The following NRG3 variants were observed in gnomAD, a reference collection of about 807,000 sequenced individuals.
NRG3 encodes the protein pro-neuregulin-3, membrane-bound isoform.
Under a neutral mutation model 66.9 loss-of-function variants are expected in NRG3, and 31 were observed. The observed-to-expected ratio is 0.46, with a 90% CI of 0.35 to 0.63. NRG3 has a LOEUF of 0.63. NRG3 is among the 20% of genes least tolerant of loss of function. The pLI is 0.00. For missense variants in NRG3, 910 were observed against 878.9 expected, an observed-to-expected ratio of 1.04 and a Z score of -0.45; for synonymous variants, 393 against 359.4, an observed-to-expected ratio of 1.09 and a Z score of -1.06.
chr10:82,778,572 C>T (rs998699001), intron 3 of NRG3, among the ~76,000 whole-genome samples: 2 of 152,180 alleles, frequency 1.3e-5, no homozygotes, highest in African/African-American at 4.8e-5. Context: ...CAATTACCTC[C>T]ACCTTGTCCC....
At chr10:82,010,920 C>G (rs559092790) in intron 1 of NRG3, among the ~76,000 whole-genome samples, 2 of 152,146 alleles carry the variant, frequency 1.3e-5, no homozygotes, top group Non-Finnish European at 2.9e-5. Flanking sequence ...ACACATGAGA[C>G]GCTTCTTAAG....
chr10:82,420,248 G>A (rs534202643), intron 2 of NRG3, among the ~76,000 whole-genome samples: 10 of 152,214 alleles, frequency 6.6e-5, no homozygotes, highest in Non-Finnish European at 1.3e-4. Flanking sequence ...GTCACACTAA[G>A]TCTGTGGCAC....
intron 3 of NRG3, among the ~76,000 whole-genome samples, chr10:82,846,219 C>G (rs2063302616): frequency 6.6e-6 from 1 of 151,960 alleles, no homozygotes; most frequent in South Asian, 2.1e-4. Context: ...ACTCACGAGG[C>G]TTTTTTCTAA....
chr10:81,978,468 C>CAA (rs1184042391), intron 1 of NRG3, among the ~76,000 whole-genome samples: 1 of 152,112 alleles, frequency 6.6e-6, no homozygotes, highest in Non-Finnish European at 1.5e-5. Flanking sequence ...GAGGTTAAGG[C>CAA]AAAGACAACC....
At chr10:82,755,378 A>T (rs1324711076) in intron 3 of NRG3, among the ~76,000 whole-genome samples, 1 of 152,114 alleles carries the variant, frequency 6.6e-6, no homozygotes, top group African/African-American at 2.4e-5. Context: ...CCTCAAAAGG[A>T]TCTACCATTT....
At chr10:82,795,096 C>G (rs1438819180) in intron 3 of NRG3, among the ~76,000 whole-genome samples, 1 of 152,142 alleles carries the variant, frequency 6.6e-6, no homozygotes, top group Non-Finnish European at 1.5e-5. Context: ...TGAGTACTAT[C>G]CAGAATAATT....
chr10:82,081,474 A>G (rs1250491876), intron 1 of NRG3, among the ~76,000 whole-genome samples: 3 of 152,080 alleles, frequency 2.0e-5, no homozygotes, highest in Admixed American at 6.6e-5. Flanking sequence ...AACTGCCGCA[A>G]TCTGGCCTCA....
At chr10:82,120,803 G>A (rs894805937) in intron 1 of NRG3, among the ~76,000 whole-genome samples, 1 of 152,062 alleles carries the variant, frequency 6.6e-6, no homozygotes, top group Non-Finnish European at 1.5e-5. Context: ...GTTGCCAAGA[G>A]CTGGAGATTC....
intron 1 of NRG3, among the ~76,000 whole-genome samples, chr10:82,297,379 G>T (rs1044022879): frequency 6.6e-6 from 1 of 152,124 alleles, no homozygotes; most frequent in African/African-American, 2.4e-5. Context: ...ATTTAGCAGG[G>T]CTTGGAGAGT....
chr10:82,058,067 A>T (rs2063943840), intron 1 of NRG3, among the ~76,000 whole-genome samples: 1 of 150,204 alleles, frequency 6.7e-6, no homozygotes, highest in East Asian at 2.0e-4. Flanking sequence ...TTGATATGTT[A>T]TATTATTAAT....
At chr10:82,029,059 A>G (rs1272278092) in intron 1 of NRG3, among the ~76,000 whole-genome samples, 2 of 151,946 alleles carry the variant, frequency 1.3e-5, no homozygotes, top group Non-Finnish European at 2.9e-5. Context: ...AAATAGAAAA[A>G]TTAGCCAGGC....
At chr10:82,787,826 T>C (rs1052747442) in intron 3 of NRG3, among the ~76,000 whole-genome samples, 10 of 152,128 alleles carry the variant, frequency 6.6e-5, no homozygotes, top group Admixed American at 2.0e-4. Context: ...ACTGGTTGTT[T>C]TGAATTCTGA....
intron 1 of NRG3, among the ~76,000 whole-genome samples, chr10:82,227,224 T>G (rs576988194): frequency 1.3e-5 from 2 of 152,220 alleles, no homozygotes; most frequent in Admixed American, 6.5e-5. Flanking sequence ...TCACTGCTGC[T>G]TTTTCCTCTT....
intron 2 of NRG3, among the ~76,000 whole-genome samples, chr10:82,610,254 C>G (rs1205110373): frequency 3.3e-5 from 5 of 152,036 alleles, no homozygotes; most frequent in African/African-American, 9.7e-5. Context: ...TTGGGACAAG[C>G]TGGACAAACT....
At chr10:82,731,593 G>T (rs2134654162) in intron 2 of NRG3, among the ~76,000 whole-genome samples, 1 of 149,914 alleles carries the variant, frequency 6.7e-6, no homozygotes, top group East Asian at 2.1e-4. Flanking sequence ...ACAAATGACA[G>T]AATTTCCTTT....
chr10:82,858,650 G>A (rs2063941787), intron 3 of NRG3, among the ~76,000 whole-genome samples: 1 of 152,174 alleles, frequency 6.6e-6, no homozygotes, highest in Non-Finnish European at 1.5e-5. Context: ...GGATCTGTGG[G>A]TGGAATCTAC....
chr10:82,383,816 A>G (rs998297580), intron 2 of NRG3, among the ~76,000 whole-genome samples: 4 of 151,938 alleles, frequency 2.6e-5, no homozygotes, highest in Non-Finnish European at 4.4e-5. Flanking sequence ...TAAATAAATG[A>G]TAATTTTTCT....
intron 1 of NRG3, among the ~76,000 whole-genome samples, chr10:81,918,228 A>C (rs1845894579): frequency 2.6e-5 from 4 of 152,192 alleles, no homozygotes; most frequent in Admixed American, 2.6e-4. Context: ...ATCTTATTCC[A>C]GAAAGGATTT....
intron 1 of NRG3, among the ~76,000 whole-genome samples, chr10:82,286,554 T>G (rs1250056942): frequency 6.6e-6 from 1 of 152,192 alleles, no homozygotes; most frequent in African/African-American, 2.4e-5. Flanking sequence ...TTAATTCTTT[T>G]ATCCTCAGAT....
Sources: allele counts gnomAD v4.1 joint callset (sites outside exome capture counted in the v4.1 genomes callset), GRCh38; gene constraint gnomAD v4.1.1; transcripts MANE v1.5; gene names NCBI Gene and HGNC (gene_info 2026-07-23, HGNC 2026-07-21).